The following GLIS1 variants were observed in gnomAD, a reference collection of about 807,000 sequenced individuals.
GLIS1 encodes zinc finger protein GLIS1.
A neutral mutation model predicts 63.8 loss-of-function variants in GLIS1; 24 were observed. That is an observed-to-expected ratio of 0.38 (90% CI 0.27 to 0.53). The LOEUF (loss-of-function observed/expected upper bound fraction) is 0.53. Among genes scored for constraint, GLIS1 ranks in the 20% least tolerant of loss-of-function variants. The pLI is 0.85. For missense variants in GLIS1, 1,036 were observed against 1,074.1 expected (o/e 0.96, Z 0.50); for synonymous variants, 450 against 482.5 (o/e 0.93, Z 0.88).
intron 2 of GLIS1, among the ~76,000 whole-genome samples, chr1:53,669,208 C>A (rs933132423): frequency 6.6e-6 from 1 of 152,192 alleles, no homozygotes; most frequent in African/African-American, 2.4e-5. Flanking sequence ...GGCTCATCCT[C>A]CCCCCACCTA....
At position 53,506,536 on chromosome 1, in the gene GLIS1, A is replaced by T; in HGVS notation, c.*83T>A. 8.6e-7 allele frequency: 1 copy of T among 1,158,062 alleles called. No individual in the cohort carries two copies. Among genetic ancestry groups the T allele is most frequent in the Non-Finnish European group, 1.3e-6 (1 of 790,232 alleles). The allele number at this position is 1,158,062 out of a possible 1,614,324, so 71.7% of individuals were successfully genotyped here. On this transcript the variant is annotated 3_prime_UTR_variant, in exon 11 of 11. Transcript: ENST00000628545. ...CCGGCTGTGGCCTGGCACTCCTGCT[A>T]GGTGCACGGAGGGTGGGAGCGACAG... is the stretch of plus-strand genomic sequence containing the variant.
At chr1:53,679,069 G>A (rs1352729588) in intron 2 of GLIS1, among the ~76,000 whole-genome samples, 1 of 152,200 alleles carries the variant, frequency 6.6e-6, no homozygotes, top group African/African-American at 2.4e-5. Flanking sequence ...TGGGCTCGTG[G>A]CCACTGCAGC....
intron 2 of GLIS1, among the ~76,000 whole-genome samples, chr1:53,623,607 T>G (rs6588484): frequency 0.072 from 10,974 of 152,234 alleles, 1,156 homozygotes; most frequent in African/African-American, 0.23. Flanking sequence ...TAACCTCAGA[T>G]AACATGATTG....
At chr1:53,555,170 C>T (rs1175752504) in intron 4 of GLIS1, among the ~76,000 whole-genome samples, 1 of 152,226 alleles carries the variant, frequency 6.6e-6, no homozygotes, top group Non-Finnish European at 1.5e-5. Flanking sequence ...TCAGGCCACT[C>T]TGGTTCTGGA....
chr1:53,523,946 C>T (rs1411604382), intron 6 of GLIS1, among the ~76,000 whole-genome samples: 1 of 152,232 alleles, frequency 6.6e-6, no homozygotes, highest in Non-Finnish European at 1.5e-5. Flanking sequence ...CAGGCTTCAG[C>T]CCTCTCAGCG....
chr1:53,525,434 C>T (rs559342987), intron 5 of GLIS1, among the ~76,000 whole-genome samples: 2 of 596 alleles, frequency 3.4e-3, no homozygotes, highest in South Asian at 0.083. Flanking sequence ...GCTGGAAGCA[C>T]GGCTGGATCT....
intron 4 of GLIS1, among the ~76,000 whole-genome samples, chr1:53,557,389 G>A (rs1212573059): frequency 6.6e-6 from 1 of 152,192 alleles, no homozygotes; most frequent in Admixed American, 6.5e-5. Context: ...GATAGTCATA[G>A]CAATTGGGAT....
Position 53,625,597 on chromosome 1 carries a change from C to T in GLIS1, c.260-25319G>A, listed in dbSNP as rs553261892. On this transcript the variant is annotated intron_variant, in intron 2 of 10. Transcript: ENST00000628545. Reference sequence around the variant, plus strand: ...TGTCTCCCCATCTTAGATGGCATCCCCCAGGCCCAACCCTGGCTCTTTCTC... The same window carrying T: ...TGTCTCCCCATCTTAGATGGCATCCTCCAGGCCCAACCCTGGCTCTTTCTC... 2.0e-5 allele frequency among the ~76,000 whole-genome samples: 3 copies of T among 152,326 alleles called. No individual in the cohort carries two copies. The South Asian group carries it at 6.2e-4, about 32-fold the overall frequency.
chr1:53,565,255 G>A (rs950412496), intron 4 of GLIS1, among the ~76,000 whole-genome samples: 13 of 151,988 alleles, frequency 8.6e-5, no homozygotes, highest in African/African-American at 3.1e-4. Flanking sequence ...CATTAAAAGG[G>A]AAATTTATTT....
At chr1:53,645,971 G>C (rs941406093) in intron 2 of GLIS1, among the ~76,000 whole-genome samples, 2 of 152,088 alleles carry the variant, frequency 1.3e-5, no homozygotes, top group African/African-American at 2.4e-5. Context: ...CAGTGAACAA[G>C]GGGGGCAGGG....
chr1:53,658,851 C>T (rs1397855085), intron 2 of GLIS1, among the ~76,000 whole-genome samples: 1 of 152,124 alleles, frequency 6.6e-6, no homozygotes, highest in Non-Finnish European at 1.5e-5. Flanking sequence ...AATACAGGGC[C>T]CCACCCAGAG....
chr1:53,584,755 G>A (rs946790873), intron 4 of GLIS1, among the ~76,000 whole-genome samples: 3 of 152,190 alleles, frequency 2.0e-5, no homozygotes, highest in Admixed American at 1.3e-4. Context: ...CGAGACCTTA[G>A]GGGTTACCTG....
intron 6 of GLIS1, among the ~76,000 whole-genome samples, chr1:53,522,503 G>A (rs1365262967): frequency 1.3e-5 from 2 of 152,222 alleles, no homozygotes; most frequent in African/African-American, 4.8e-5. Flanking sequence ...CCCTCAACCT[G>A]AGAGCAGTGA....
intron 2 of GLIS1, among the ~76,000 whole-genome samples, chr1:53,633,804 C>A (rs959601357): frequency 6.6e-6 from 1 of 151,630 alleles, no homozygotes; most frequent in Admixed American, 6.6e-5. Flanking sequence ...AATGTCTCGG[C>A]GTGGGGGGGA....
intron 2 of GLIS1, among the ~76,000 whole-genome samples, chr1:53,670,619 T>C (rs1646141329): frequency 1.3e-5 from 2 of 152,216 alleles, no homozygotes; most frequent in Non-Finnish European, 2.9e-5. Context: ...TTAAGTCCTG[T>C]GATAGGATTC....
intron 2 of GLIS1, among the ~76,000 whole-genome samples, chr1:53,682,373 G>A (rs557929695): frequency 5.9e-5 from 9 of 152,394 alleles, no homozygotes; most frequent in African/African-American, 4.8e-5. Flanking sequence ...CTGCATCCCC[G>A]CGAGGAGCTC....
chr1:53,739,000 C>A (rs1646941097), intron 1 of GLIS1, among the ~76,000 whole-genome samples, 105 bp downstream of exon 1: 2 of 152,158 alleles, frequency 1.3e-5, no homozygotes, highest in South Asian at 4.1e-4. Flanking sequence ...GCGCTCCCTG[C>A]GCCATCCCCA....
At position 53,600,859 on chromosome 1, in the gene GLIS1, C is replaced by T. The variant is rs181950830; in HGVS notation, c.260-581G>A. On this transcript the variant is annotated intron_variant, in intron 2 of 10. Coordinates refer to ENST00000628545, the MANE Select transcript of GLIS1 (RefSeq NM_001367484.1). ...AGAAACACAGTGTGCAATTATACCT[C>T]GCTATTGCCTGATTCTTCCACAGCC... Among the ~76,000 whole-genome samples, 21 of 152,346 alleles carry T rather than the reference C, an allele frequency of 1.4e-4. No individual in the cohort carries two copies. In the East Asian group the frequency reaches 2.7e-3, roughly 20 times the overall value.
chr1:53,612,089 C>T (rs776939089), intron 2 of GLIS1, among the ~76,000 whole-genome samples: 1 of 152,220 alleles, frequency 6.6e-6, no homozygotes, highest in Non-Finnish European at 1.5e-5. Context: ...CCCTCAACTT[C>T]CTAAAGTCCT....
Sources: allele counts gnomAD v4.1 joint callset (sites outside exome capture counted in the v4.1 genomes callset), GRCh38; gene constraint gnomAD v4.1.1; transcripts MANE v1.5; gene names NCBI Gene and HGNC (gene_info 2026-07-23, HGNC 2026-07-21).